TMEM258: variants seen among roughly 807,000 people sequenced by gnomAD.
The protein encoded by TMEM258 is transmembrane protein 258.
In TMEM258, 11 loss-of-function variants were observed where a neutral mutation model predicts 9.9. The observed-to-expected ratio is 1.11, with a 90% confidence interval of 0.70 to 1.85. The LOEUF is 1.85. TMEM258 is among the 40% of genes most tolerant of loss of function. The probability of loss-of-function intolerance (pLI) is 0.00; values close to 1 mark genes in which losing one functional copy is unlikely to be tolerated. For missense variants in TMEM258, 81 were observed against 99.7 expected (o/e 0.81, Z 0.80); for synonymous variants, 40 against 39.1 (o/e 1.02, Z -0.09).
At chr11:61,791,908 C>G (rs1197850313) in intron 1 of TMEM258, 1 of 152,444 alleles carries the variant, frequency 6.6e-6, no homozygotes, top group African/African-American at 2.4e-5. Flanking sequence ...CATAACAACT[C>G]TAGAGAAGTA....
intron 3 of TMEM258, among the ~76,000 whole-genome samples, chr11:61,789,516 C>T (rs1051948009): frequency 5.3e-5 from 8 of 152,230 alleles, no homozygotes; most frequent in Non-Finnish European, 1.0e-4. Flanking sequence ...TGCCTGCGTC[C>T]ACACTTCTAG....
In TMEM258 at chr11:61,789,173, C is replaced by T. The variant is rs1216577690; in HGVS notation, c.*73G>A. On this transcript the variant is annotated 3_prime_UTR_variant, in exon 4 of 4. Coordinates refer to ENST00000537328, the MANE Select transcript of TMEM258 (RefSeq NM_014206.4). ...ATTATGAGCAGCAGGTGGGACACTTCCAGCAACAGTAAAAAAAAGTAATTT... is the reference window on the plus strand; with the variant it reads ...ATTATGAGCAGCAGGTGGGACACTTTCAGCAACAGTAAAAAAAAGTAATTT... 1 of 152,788 alleles carries T rather than the reference C, an allele frequency of 6.5e-6. No individual in the cohort carries two copies. Among genetic ancestry groups the T allele is most frequent in the Admixed American group, 6.5e-5 (1 of 15,282 alleles). The allele number at this position is 152,788 out of a possible 1,614,324, so 9.5% of individuals were successfully genotyped here.
intron 1 of TMEM258, 179 bp downstream of exon 1, chr11:61,792,377 G>C (rs377001087): frequency 2.5e-6 from 2 of 798,318 alleles, no homozygotes; most frequent in East Asian, 5.4e-5. Context: ...ATCGCGAGCT[G>C]AGAAACCTAA....
chr11:61,790,407 G>T, intron 2 of TMEM258, 86 bp downstream of exon 2: 1 of 1,183,570 alleles, frequency 8.4e-7, no homozygotes, highest in South Asian at 1.3e-5. Context: ...GTACAAAACC[G>T]GCGGGGTCCA....
At chr11:61,792,151 A>T in intron 1 of TMEM258, 1 of 182,034 alleles carries the variant, frequency 5.5e-6, no homozygotes, top group South Asian at 1.1e-4. Context: ...GAACGTGGCC[A>T]GAGATCTGTA....
intron 1 of TMEM258, chr11:61,792,313 G>C (rs1168203203): frequency 1.8e-6 from 1 of 571,270 alleles, no homozygotes; most frequent in Non-Finnish European, 3.1e-6. Flanking sequence ...CGATAACAGA[G>C]ATATACAAAC....
At chr11:61,790,147 A>G (rs1162581977) in intron 2 of TMEM258, 1 of 595,998 alleles carries the variant, frequency 1.7e-6, no homozygotes, top group Non-Finnish European at 2.9e-6. Flanking sequence ...CAGGTCACAC[A>G]GCTCATGAGG....
At chr11:61,789,512 C>T (rs111365178) in intron 3 of TMEM258, among the ~76,000 whole-genome samples, 7 of 152,346 alleles carry the variant, frequency 4.6e-5, no homozygotes, top group African/African-American at 1.4e-4. Context: ...GGGATGCCTG[C>T]GTCCACACTT....
chr11:61,792,386 A>G, intron 1 of TMEM258, 170 bp downstream of exon 1: 1 of 881,662 alleles, frequency 1.1e-6, no homozygotes, highest in Non-Finnish European at 1.8e-6. Context: ...TGAGAAACCT[A>G]AGGAGTTCAT....
chr11:61,791,113 C>T (rs180961053), intron 1 of TMEM258, among the ~76,000 whole-genome samples: 1 of 152,154 alleles, frequency 6.6e-6, no homozygotes, highest in African/African-American at 2.4e-5. Flanking sequence ...GTGCGCACCA[C>T]CACATCTAAT....
chr11:61,790,406 C>T lies in TMEM258; in HGVS notation c.113+87G>A, dbSNP rs998387427. The T allele has an allele frequency of 1.1e-5, 13 of 1,179,202 alleles. No homozygotes were observed. The African/African-American group carries it at 1.4e-4, about 12-fold the overall frequency. The allele number at this position is 1,179,202 out of a possible 1,614,324, so 73.0% of individuals were successfully genotyped here. On this transcript the variant is annotated intron_variant, in intron 2 of 3. Coordinates refer to ENST00000537328, the MANE Select transcript of TMEM258 (RefSeq NM_014206.4). ...TCAGCCCCAATCCAATGTACAAAAC[C>T]GGCGGGGTCCATGTACCTAGCGTGG...
At position 61,789,912 on chromosome 11, in the gene TMEM258, G is replaced by T; in HGVS notation, c.123C>A (p.Val41=). Residue 41 remains valine (V), a synonymous_variant, in exon 3 of 4, where the codon GTC becomes GTA. Coordinates refer to ENST00000537328, the MANE Select transcript of TMEM258 (RefSeq NM_014206.4). ...FFTAWFFVYE[V]TSTKYTRDIY... ...TATCACGAGTGTACTTGGTAGAGGT[G>T]ACCTCGTAACTGGGCACAGCAGTTA... 1 of 1,613,180 alleles carries T rather than the reference G, an allele frequency of 6.2e-7. No homozygotes were observed. The highest frequency in any genetic ancestry group is 8.5e-7 in the Non-Finnish European group (1 of 1,179,568).
At position 61,789,017 on chromosome 11, in the gene TMEM258, G is replaced by T; in HGVS notation, c.*229C>A. On this transcript the variant is annotated 3_prime_UTR_variant, in exon 4 of 4. Transcript: ENST00000537328. Reference sequence around the variant, plus strand: ...ACACAAATCTCATCCCCCTTAAGTAGATCAGCAGCAGGAACTGTGAAAGGC... The same window carrying T: ...ACACAAATCTCATCCCCCTTAAGTATATCAGCAGCAGGAACTGTGAAAGGC... The T allele has an allele frequency of 6.6e-6, 1 of 152,500 alleles. No homozygotes were observed. The highest frequency in any genetic ancestry group is 1.5e-5 in the Non-Finnish European group (1 of 68,088). The allele number at this position is 152,500 out of a possible 1,614,324, so 9.4% of individuals were successfully genotyped here.
chr11:61,790,766 A>G (rs1206163490), intron 1 of TMEM258, among the ~76,000 whole-genome samples, 164 bp from the exon 2 acceptor site: 2 of 152,206 alleles, frequency 1.3e-5, no homozygotes, highest in Non-Finnish European at 2.9e-5. Context: ...TTCTGAGGCC[A>G]ATAATCTGAC....
At chr11:61,792,404 G>T in intron 1 of TMEM258, 152 bp downstream of exon 1, 3 of 1,121,948 alleles carry the variant, frequency 2.7e-6, no homozygotes, top group South Asian at 2.6e-5. Flanking sequence ...CATGGCAAGG[G>T]GCTTCCCCCT....
rs377072791 is a variant in TMEM258 at position 61,789,940 on chromosome 11, G to A, written c.114-19C>T. ...CTCGTAACTGGGCACAGCAGTTAAG[G>A]CAAAGCGAAGGGGTGGACTGTGGAG... On this transcript the variant is annotated intron_variant, in intron 2 of 3. Coordinates refer to ENST00000537328, the MANE Select transcript of TMEM258 (RefSeq NM_014206.4). 1.2e-6 allele frequency: 2 copies of A among 1,609,640 alleles called. No homozygotes were observed. Among genetic ancestry groups the A allele is most frequent in the East Asian group, 2.2e-5 (1 of 44,860 alleles).
intron 1 of TMEM258, chr11:61,791,417 C>G (rs2135927131): frequency 6.6e-6 from 1 of 152,174 alleles, no homozygotes; most frequent in South Asian, 2.1e-4. Context: ...CGTGAACCAC[C>G]ATGCCCGGCT....
chr11:61,789,949 A>G, intron 2 of TMEM258, 28 bp from the exon 3 acceptor site: 4 of 1,606,888 alleles, frequency 2.5e-6, no homozygotes, highest in Non-Finnish European at 3.4e-6. Context: ...GGCAAAGCGA[A>G]GGGGTGGACT....
chr11:61,791,124 T>A (rs185241516), intron 1 of TMEM258, among the ~76,000 whole-genome samples: 204 of 152,008 alleles, frequency 1.3e-3, no homozygotes, highest in African/African-American at 4.5e-3. Flanking sequence ...CACATCTAAT[T>A]TTTGTATTTT....
Sources: gnomAD v4.1 joint callset for allele counts (sites outside exome capture counted in the v4.1 genomes callset) on GRCh38, gnomAD v4.1.1 for gene constraint, MANE v1.5 for transcripts, NCBI Gene and HGNC (gene_info 2026-07-23, HGNC 2026-07-21) for gene names.